TBC1D1: variants seen among roughly 807,000 people sequenced by gnomAD.
TBC1D1 encodes TBC1 (tre-2/USP6, BUB2, cdc16) domain family, member 1.
A neutral mutation model predicts 125.6 loss-of-function variants in TBC1D1; 89 were observed. The observed-to-expected ratio is 0.71, with a 90% CI of 0.60 to 0.85. TBC1D1 has a LOEUF of 0.85. Ranked by LOEUF, TBC1D1 falls within the 40% of genes least tolerant of loss-of-function variation. TBC1D1 has a pLI of 0.00. For missense variants in TBC1D1, 1,377 were observed against 1,469.2 expected (o/e 0.94, Z 1.03); for synonymous variants, 565 against 564.1 (o/e 1.00, Z -0.02).
At chr4:37,943,195 C>T (rs914087355) in intron 2 of TBC1D1, among the ~76,000 whole-genome samples, 11 of 152,158 alleles carry the variant, frequency 7.2e-5, no homozygotes, top group South Asian at 2.1e-4. Flanking sequence ...GAGTTTCTGC[C>T]GAGAGATCTG....
chr4:38,010,477 G>A (rs924256015), intron 2 of TBC1D1, among the ~76,000 whole-genome samples: 2 of 152,132 alleles, frequency 1.3e-5, no homozygotes, highest in African/African-American at 4.8e-5. Context: ...TAGACTCCCT[G>A]TCTTGGACTC....
At chr4:38,062,467 T>C (rs1752939696) in intron 12 of TBC1D1, among the ~76,000 whole-genome samples, 1 of 152,152 alleles carries the variant, frequency 6.6e-6, no homozygotes, top group Non-Finnish European at 1.5e-5. Context: ...ATTTTTAAGA[T>C]TGTTCTTAAT....
chr4:38,058,440 C>T (rs75404702), intron 12 of TBC1D1, among the ~76,000 whole-genome samples: 2,609 of 152,312 alleles, frequency 0.017, 77 homozygotes, highest in African/African-American at 0.06. Flanking sequence ...GACTCTGTTC[C>T]TGATTTGCCT....
chr4:37,988,473 G>A (rs1439657698), intron 2 of TBC1D1, among the ~76,000 whole-genome samples: 1 of 152,110 alleles, frequency 6.6e-6, no homozygotes, highest in East Asian at 1.9e-4. Flanking sequence ...ATTAAAGGGG[G>A]GATGATAAAC....
chr4:37,918,783 T>TAGAGTCTCTA (rs1720282230), intron 2 of TBC1D1, among the ~76,000 whole-genome samples: 1 of 152,204 alleles, frequency 6.6e-6, no homozygotes, highest in African/African-American at 2.4e-5. Context: ...GTACAATTTT[T>TAGAGTCTCTA]AATTAGTCTC....
intron 15 of TBC1D1, among the ~76,000 whole-genome samples, chr4:38,107,117 G>A (rs149381924): frequency 6.6e-6 from 1 of 152,322 alleles, no homozygotes; most frequent in African/African-American, 2.4e-5. Context: ...GCATTTCCCA[G>A]GTCACCTCTG....
chr4:37,989,983 A>T (rs1216898244), intron 2 of TBC1D1, among the ~76,000 whole-genome samples: 1 of 152,208 alleles, frequency 6.6e-6, no homozygotes, highest in Non-Finnish European at 1.5e-5. Flanking sequence ...AAGGAAGTTT[A>T]TTTGTTTAGC....
At chr4:37,919,345 T>TG (rs1384967539) in intron 2 of TBC1D1, among the ~76,000 whole-genome samples, 121 of 150,818 alleles carry the variant, frequency 8.0e-4, no homozygotes, top group African/African-American at 1.3e-3. Flanking sequence ...TTTTTGTTTT[T>TG]TTTTTTTTTT....
intron 2 of TBC1D1, among the ~76,000 whole-genome samples, chr4:37,968,607 CT>C (rs1937531430): frequency 6.6e-6 from 1 of 152,228 alleles, no homozygotes; most frequent in South Asian, 2.1e-4. Flanking sequence ...CTAATTTGTT[CT>C]TCTACTTCTC....
At chr4:37,914,534 G>A (rs985378688) in intron 2 of TBC1D1, among the ~76,000 whole-genome samples, 15 of 152,118 alleles carry the variant, frequency 9.9e-5, no homozygotes, top group Non-Finnish European at 2.2e-4. Context: ...CTGGACTACT[G>A]CAGTGTCTCC....
chr4:37,990,320 T>G (rs1445246305), intron 2 of TBC1D1, among the ~76,000 whole-genome samples: 1 of 75,444 alleles, frequency 1.3e-5, no homozygotes, highest in Admixed American at 1.0e-4. Context: ...AAACATTGAG[T>G]TTTTTTTTTT....
chr4:37,960,039 G>A (rs555979794), intron 2 of TBC1D1, among the ~76,000 whole-genome samples: 3 of 152,352 alleles, frequency 2.0e-5, no homozygotes, highest in Non-Finnish European at 4.4e-5. Flanking sequence ...AATAATGTAT[G>A]CAAAAGTACA....
chr4:38,037,017 C>G (rs915374653), intron 8 of TBC1D1, among the ~76,000 whole-genome samples: 2 of 152,082 alleles, frequency 1.3e-5, no homozygotes, highest in African/African-American at 4.8e-5. Context: ...CCACTGATAG[C>G]TTTTTCCCTG....
intron 2 of TBC1D1, among the ~76,000 whole-genome samples, chr4:38,006,593 C>T (rs1468052921): frequency 6.6e-6 from 1 of 151,690 alleles, no homozygotes; most frequent in African/African-American, 2.4e-5. Flanking sequence ...ATGCTCCTGC[C>T]TCAGCCTCCC....
intron 1 of TBC1D1, among the ~76,000 whole-genome samples, chr4:37,895,735 G>C (rs1353115439): frequency 6.6e-6 from 1 of 152,146 alleles, no homozygotes; most frequent in Admixed American, 6.6e-5. Flanking sequence ...TGAGAAAGAA[G>C]TCATTCAAAA....
intron 8 of TBC1D1, among the ~76,000 whole-genome samples, chr4:38,041,068 C>T (rs1209478209): frequency 6.6e-6 from 1 of 152,218 alleles, no homozygotes; most frequent in Non-Finnish European, 1.5e-5. Flanking sequence ...TTCTCATTCT[C>T]ATAGAGAGTC....
chr4:38,009,733 T>A (rs1741077690), intron 2 of TBC1D1, among the ~76,000 whole-genome samples: 1 of 152,238 alleles, frequency 6.6e-6, no homozygotes, highest in African/African-American at 2.4e-5. Flanking sequence ...TTGTTTTGGT[T>A]GTGAGCAAAA....
Position 37,902,354 on chromosome 4 carries a change from C to A in TBC1D1, c.259C>A (p.Pro87Thr). 1 of 1,614,154 alleles carries A rather than the reference C, an allele frequency of 6.2e-7. No homozygotes were observed. The highest frequency in any genetic ancestry group is 8.5e-7 in the Non-Finnish European group (1 of 1,180,040). Reference sequence around the variant, plus strand: ...GCCAGGGAGAAGTCAACAGTGGGATCCCCTGATCTATTCCAGCATCTTTGA... The same window carrying A: ...GCCAGGGAGAAGTCAACAGTGGGATACCCTGATCTATTCCAGCATCTTTGA... Residue 87 changes from proline (P) to threonine (T), a missense_variant, in exon 2 of 20, where the codon CCC becomes ACC. By Grantham distance (38) the Pro-to-Thr change is conservative. Coordinates refer to ENST00000261439, the MANE Select transcript of TBC1D1 (RefSeq NM_015173.4).
chr4:37,900,782 CAG>C (rs1385777258), intron 1 of TBC1D1, among the ~76,000 whole-genome samples: 1 of 152,156 alleles, frequency 6.6e-6, no homozygotes, highest in Non-Finnish European at 1.5e-5. Context: ...TTGTTGAAAA[CAG>C]AAAAGGGCTG....
Sources: gnomAD v4.1 joint callset for allele counts (sites outside exome capture counted in the v4.1 genomes callset) on GRCh38, gnomAD v4.1.1 for gene constraint, MANE v1.5 for transcripts, NCBI Gene and HGNC (gene_info 2026-07-23, HGNC 2026-07-21) for gene names.